Variants in FGGY observed in about 807,000 individuals in gnomAD.
The protein encoded by FGGY is FGGY carbohydrate kinase domain-containing protein.
Under a neutral mutation model 71.3 loss-of-function variants are expected in FGGY, and 72 were observed. That is an observed-to-expected ratio of 1.01 (90% confidence interval 0.84 to 1.23). FGGY has a LOEUF of 1.23. FGGY is among the 50% of genes most tolerant of loss of function. FGGY has a pLI of 0.00. For missense variants in FGGY, 668 were observed against 682.3 expected (o/e 0.98, Z 0.23); for synonymous variants, 251 against 250.3 (o/e 1.00, Z -0.02).
chr1:59,374,576 A>G (rs2058312537), intron 4 of FGGY, among the ~76,000 whole-genome samples: 1 of 152,108 alleles, frequency 6.6e-6, no homozygotes, highest in Non-Finnish European at 1.5e-5. Flanking sequence ...AGGACTATAA[A>G]TCATGCTGCT....
chr1:59,478,650 T>TA (rs1397668353), intron 6 of FGGY, among the ~76,000 whole-genome samples: 1 of 151,120 alleles, frequency 6.6e-6, no homozygotes, highest in East Asian at 2.0e-4. Flanking sequence ...GATATCCAAA[T>TA]AAAAACATAG....
chr1:59,714,997 C>A (rs1366095341), intron 14 of FGGY, among the ~76,000 whole-genome samples: 5 of 152,170 alleles, frequency 3.3e-5, no homozygotes, highest in African/African-American at 1.2e-4. Flanking sequence ...GTTTGCAGGG[C>A]ATTTTGGTGA....
chr1:59,339,454 T>G (rs1311845952), intron 2 of FGGY, among the ~76,000 whole-genome samples: 1 of 151,950 alleles, frequency 6.6e-6, no homozygotes. Context: ...TTTCCAATTA[T>G]TTTTAATTAT....
In FGGY at chr1:59,554,187, G is replaced by A. The variant is rs749366638; in HGVS notation, c.863G>A (p.Arg288Gln). ...TGTGAGGGGCAGCCAGTGACGTCAC[G>A]GCTGGCTGTCATCTGTGGAACGTCT... ...LICEGQPVTS[R>Q]LAVICGTSSC... The change falls in exon 8 of 16, where the codon CGG (arginine) becomes CAG (glutamine). Residue 288 changes from arginine to glutamine, a missense_variant. Around this residue, in one of 2 missense-constraint regions of FGGY, gnomAD observed 661 missense variants for 661.6 expected, o/e 1.00. Transcript: ENST00000303721. 50 of 1,613,476 alleles carry A rather than the reference G, an allele frequency of 3.1e-5. No homozygotes were observed. The highest frequency in any genetic ancestry group is 1.8e-4 in the Admixed American group (11 of 59,992).
intron 7 of FGGY, among the ~76,000 whole-genome samples, chr1:59,527,827 T>C (rs2095033594): frequency 6.6e-6 from 1 of 152,232 alleles, no homozygotes; most frequent in Non-Finnish European, 1.5e-5. Context: ...TTAATCGAAT[T>C]CATAATATAG....
chr1:59,373,213 C>T (rs909935141), intron 4 of FGGY, among the ~76,000 whole-genome samples: 8 of 152,198 alleles, frequency 5.3e-5, no homozygotes, highest in African/African-American at 1.7e-4. Flanking sequence ...TCAGCAAAGT[C>T]TCAGGATACA....
intron 14 of FGGY, among the ~76,000 whole-genome samples, chr1:59,702,143 A>G (rs115855487): frequency 0.013 from 2,015 of 152,224 alleles, 46 homozygotes; most frequent in African/African-American, 0.046. Context: ...CCTCACTACC[A>G]TGAGAACAGC....
intron 8 of FGGY, among the ~76,000 whole-genome samples, chr1:59,555,409 C>G (rs1056733910): frequency 6.6e-6 from 1 of 152,132 alleles, no homozygotes. Context: ...TCTCTGGGTC[C>G]CAGATTCCTC....
intron 6 of FGGY, among the ~76,000 whole-genome samples, chr1:59,470,415 C>T (rs916718215): frequency 2.6e-5 from 4 of 152,152 alleles, no homozygotes; most frequent in African/African-American, 4.8e-5. Context: ...TTCAAACCAT[C>T]ACAGAGATAC....
chr1:59,608,509 C>A (rs542495864), intron 9 of FGGY, among the ~76,000 whole-genome samples: 12 of 152,238 alleles, frequency 7.9e-5, no homozygotes, highest in African/African-American at 2.9e-4. Context: ...GTTACTAATC[C>A]CCTTTTCTAG....
At chr1:59,514,952 G>A (rs190883560) in intron 7 of FGGY, among the ~76,000 whole-genome samples, 1 of 152,322 alleles carries the variant, frequency 6.6e-6, no homozygotes, top group Admixed American at 6.5e-5. Context: ...ACTTGAAAAT[G>A]TGGACACAAC....
chr1:59,416,052 A>G (rs1278989178), intron 5 of FGGY, among the ~76,000 whole-genome samples: 1 of 152,226 alleles, frequency 6.6e-6, no homozygotes, highest in African/African-American at 2.4e-5. Flanking sequence ...TAGGATCTGT[A>G]CAACTATGAC....
chr1:59,591,638 A>G (rs2096441457), intron 8 of FGGY, among the ~76,000 whole-genome samples: 1 of 152,172 alleles, frequency 6.6e-6, no homozygotes, highest in African/African-American at 2.4e-5. Context: ...AACACCGCAT[A>G]TCTATAACTA....
chr1:59,708,397 T>C (rs2097770819), intron 14 of FGGY, among the ~76,000 whole-genome samples: 2 of 152,194 alleles, frequency 1.3e-5, no homozygotes, highest in African/African-American at 2.4e-5. Context: ...CTGGGCTGCC[T>C]TTTGAACAAT....
At chr1:59,454,251 G>A (rs2091468295) in intron 5 of FGGY, among the ~76,000 whole-genome samples, 1 of 152,138 alleles carries the variant, frequency 6.6e-6, no homozygotes, top group Non-Finnish European at 1.5e-5. Flanking sequence ...TTGGATCATT[G>A]GAAACAATCC....
At chr1:59,610,832 A>G (rs1486674440) in intron 9 of FGGY, among the ~76,000 whole-genome samples, 2 of 152,160 alleles carry the variant, frequency 1.3e-5, no homozygotes, top group Non-Finnish European at 2.9e-5. Flanking sequence ...CGCTTTTACA[A>G]TGGTCTTAGC....
chr1:59,631,646 A>G (rs1281241491), intron 10 of FGGY, among the ~76,000 whole-genome samples: 1 of 152,202 alleles, frequency 6.6e-6, no homozygotes, highest in Non-Finnish European at 1.5e-5. Flanking sequence ...GGTCACCCCT[A>G]TCTCAGAGCT....
intron 5 of FGGY, among the ~76,000 whole-genome samples, chr1:59,405,754 T>A (rs1229596348): frequency 6.6e-6 from 1 of 152,054 alleles, no homozygotes. Flanking sequence ...TTGCCCCACT[T>A]GGTTGGTTGG....
chr1:59,464,785 T>C (rs1289898476), intron 6 of FGGY, among the ~76,000 whole-genome samples: 2 of 152,278 alleles, frequency 1.3e-5, no homozygotes, highest in East Asian at 3.9e-4. Context: ...AATGGATAAA[T>C]TCCTGGACAC....
Sources: gnomAD v4.1 joint callset for allele counts (sites outside exome capture counted in the v4.1 genomes callset) on GRCh38, gnomAD v4.1.1 for gene constraint, gnomAD v4.1.1 regional missense constraint, MANE v1.5 for transcripts, NCBI Gene and HGNC (gene_info 2026-07-23, HGNC 2026-07-21) for gene names.